HSPA9: variants seen among roughly 807,000 people sequenced by gnomAD.
HSPA9 encodes stress-70 protein, mitochondrial.
In HSPA9, 28 loss-of-function variants were observed where a neutral mutation model predicts 81.5. The observed-to-expected ratio is 0.34, with a 90% CI of 0.25 to 0.47. HSPA9 has a LOEUF of 0.47. Among genes scored for constraint, HSPA9 ranks in the 20% least tolerant of loss-of-function variants. The pLI is 1.00. For synonymous variants in HSPA9, 293 were observed against 290.4 expected (o/e 1.01, Z -0.09); for missense variants, 678 against 838.0 (o/e 0.81, Z 2.36).
At chr5:138,567,218 T>A (rs1428578059) in intron 7 of HSPA9, 55 bp from the exon 8 acceptor site, 1 of 1,431,812 alleles carries the variant, frequency 7.0e-7, no homozygotes, top group Admixed American at 2.0e-5. Context: ...ACAAAACCTA[T>A]CACCAGGATA....
At chr5:138,572,119 G>T (rs1301722169) in intron 3 of HSPA9, among the ~76,000 whole-genome samples, 75 of 152,116 alleles carry the variant, frequency 4.9e-4, no homozygotes, top group Non-Finnish European at 2.5e-4. Context: ...ACTATGCCCG[G>T]CTAATTTTTT....
chr5:138,566,860 G>T, intron 8 of HSPA9, 141 bp downstream of exon 8: 1 of 1,155,148 alleles, frequency 8.7e-7, no homozygotes, highest in Non-Finnish European at 1.3e-6. Context: ...TTAATGTGTA[G>T]GGAAAAAAAA....
At chr5:138,571,535 A>G (rs963905119) in intron 3 of HSPA9, among the ~76,000 whole-genome samples, 1 of 152,114 alleles carries the variant, frequency 6.6e-6, no homozygotes, top group Non-Finnish European at 1.5e-5. Flanking sequence ...CAGCTCCCAA[A>G]TTGCGAAACA....
intron 9 of HSPA9, among the ~76,000 whole-genome samples, chr5:138,565,195 C>T (rs752288167): frequency 1.8e-4 from 28 of 152,202 alleles, no homozygotes; most frequent in African/African-American, 6.8e-4. Context: ...TCCAACACCT[C>T]GCATCCCCTA....
chr5:138,565,721 T>C (rs1484495849), intron 9 of HSPA9, among the ~76,000 whole-genome samples: 1 of 152,176 alleles, frequency 6.6e-6, no homozygotes, highest in African/African-American at 2.4e-5. Flanking sequence ...ATTCAAATTA[T>C]TGTCATTTTT....
chr5:138,569,052 G>GT lies in HSPA9; in HGVS notation c.411-4dup, dbSNP rs765033139. 1.2e-6 allele frequency: 2 copies of GT among 1,613,274 alleles called. No individual in the cohort carries two copies. The highest frequency in any genetic ancestry group is 2.2e-5 in the East Asian group (1 of 44,854). On this transcript the variant is annotated splice_region_variant and splice_polypyrimidine_tract_variant and intron_variant, in intron 4 of 16. Transcript: ENST00000297185. Reference sequence around the variant, plus strand: ...CAATTTTAAAGGGAACATTTTTACTGTAAGACACAAAAATTCTATTAGAGA... The same window carrying GT: ...CAATTTTAAAGGGAACATTTTTACTGTTAAGACACAAAAATTCTATTAGAGA...
Position 138,566,581 on chromosome 5 carries a change from G to A in HSPA9, c.972+45C>T, listed in dbSNP as rs28694046. On this transcript the variant is annotated intron_variant, in intron 9 of 16. Coordinates refer to ENST00000297185, the MANE Select transcript of HSPA9 (RefSeq NM_004134.7). ...ATACTATTTATTTTAAATAAGCTCC[G>A]GCTGAAAATATCCATCAAGACTGCT... The A allele has an allele frequency of 1.9e-3, 2,325 of 1,253,762 alleles. 30 individuals are homozygous for A. In the African/African-American group the frequency reaches 0.029, roughly 16 times the overall value. The allele number at this position is 1,253,762 out of a possible 1,614,324, so 77.7% of individuals were successfully genotyped here.
chr5:138,567,926 C>T (rs898155703), intron 5 of HSPA9, among the ~76,000 whole-genome samples: 5 of 149,802 alleles, frequency 3.3e-5, no homozygotes, highest in East Asian at 4.0e-4. Flanking sequence ...GGCTCACACT[C>T]GTAATCCCAG....
rs201683104 is a variant in HSPA9 at position 138,573,990 on chromosome 5, G to T, written c.140+78C>A. 768 of 1,162,190 alleles carry T rather than the reference G, an allele frequency of 6.6e-4. 4 individuals carry two copies. In the African/African-American group the frequency reaches 8.6e-3, roughly 13 times the overall value. The allele number at this position is 1,162,190 out of a possible 1,614,324, so 72.0% of individuals were successfully genotyped here. A position where few individuals can be genotyped will look rare whatever the true frequency, so the allele number is the denominator to read the frequency against. ...AATACAGATAAATAATTACAGAGAA[G>T]AATAATCACAAATGTAGAAAACACT... is the stretch of plus-strand genomic sequence containing the variant. On this transcript the variant is annotated intron_variant, in intron 2 of 16. Transcript: ENST00000297185.
intron 10 of HSPA9, chr5:138,561,149 CAT>C (rs1164002244): frequency 2.2e-6 from 1 of 454,974 alleles, no homozygotes; most frequent in African/African-American, 2.0e-5. Context: ...TGCAAAGACA[CAT>C]GTACAAAGAT....
Position 138,553,814 on chromosome 5 carries a change from C to T in HSPA9, c.*2223G>A, listed in dbSNP as rs188374576. The stretch of plus-strand genomic sequence containing the variant: ...CAGTTTAGCCATTGATGCCATTTAA[C>T]GGGTTAAACATTTGTCTCTCTCCAG... On this transcript the variant is annotated 3_prime_UTR_variant, in exon 17 of 17. Transcript: ENST00000297185. Among the ~76,000 whole-genome samples, 150 of 152,256 alleles carry T rather than the reference C, an allele frequency of 9.9e-4. 1 individual carries two copies. Among genetic ancestry groups the T allele is most frequent in the African/African-American group, 3.1e-3 (129 of 41,554 alleles).
Position 138,556,475 on chromosome 5 carries a change from G to A in HSPA9, c.1939C>T (p.Leu647=). 1 of 1,613,896 alleles carries A rather than the reference G, an allele frequency of 6.2e-7. No individual in the cohort carries two copies. Among genetic ancestry groups the A allele is most frequent in the South Asian group, 1.1e-5 (1 of 91,082 alleles). The part of the protein sequence containing the change: ...ASSLQQASLK[L]FEMAYKKMAS... ...ACCTTTTTGTATGCCATTTCGAACA[G>A]CTTCAGTGATGCCTGCTGAAGAGAG... The change falls in exon 16 of 17, where the codon CTG becomes TTG. Residue 647 remains leucine (L), a synonymous_variant. Coordinates refer to ENST00000297185, the MANE Select transcript of HSPA9 (RefSeq NM_004134.7).
Position 138,567,419 on chromosome 5 carries a change from A to T in HSPA9, c.716+36T>A. On this transcript the variant is annotated intron_variant, in intron 7 of 16. Coordinates refer to ENST00000297185, the MANE Select transcript of HSPA9 (RefSeq NM_004134.7). ...AAAAATTAAGTGACACTTTAGTTTCACACATCCAGGTGAGAAATTTACTGC... is the reference window on the plus strand; with the variant it reads ...AAAAATTAAGTGACACTTTAGTTTCTCACATCCAGGTGAGAAATTTACTGC... 2.0e-6 allele frequency: 3 copies of T among 1,481,992 alleles called. No homozygotes were observed. In the East Asian group the frequency reaches 6.8e-5, roughly 34 times the overall value. 91.8% of individuals were successfully genotyped at this position (1,481,992 alleles called of 1,614,324 possible).
chr5:138,558,867 T>C (rs1750590869), intron 11 of HSPA9: 2 of 531,196 alleles, frequency 3.8e-6, no homozygotes, highest in Non-Finnish European at 6.8e-6. Flanking sequence ...GCTAAGCAAA[T>C]GCATTGTACA....
intron 10 of HSPA9, among the ~76,000 whole-genome samples, chr5:138,561,319 CAT>C (rs914694552): frequency 1.3e-5 from 2 of 151,674 alleles, no homozygotes; most frequent in Admixed American, 6.6e-5. Flanking sequence ...TACATACATA[CAT>C]ATATATATAT....
At position 138,556,473 on chromosome 5, in the gene HSPA9, C is replaced by G. The variant is rs1329541987; in HGVS notation, c.1941G>C (p.Leu647=). The change falls in exon 16 of 17, where the codon CTG becomes CTC. Residue 647 remains leucine (L), a synonymous_variant. Transcript: ENST00000297185. Reference sequence around the variant, plus strand: ...GTACCTTTTTGTATGCCATTTCGAACAGCTTCAGTGATGCCTGCTGAAGAG... The same window carrying G: ...GTACCTTTTTGTATGCCATTTCGAAGAGCTTCAGTGATGCCTGCTGAAGAG... The part of the protein sequence containing the change: ...ASSLQQASLK[L]FEMAYKKMAS... 16 of 1,613,812 alleles carry G rather than the reference C, an allele frequency of 9.9e-6. No homozygotes were observed. The highest frequency in any genetic ancestry group is 1.4e-5 in the Non-Finnish European group (16 of 1,180,010).
intron 1 of HSPA9, chr5:138,574,768 T>C (rs919597319): frequency 5.7e-6 from 1 of 174,326 alleles, no homozygotes; most frequent in Non-Finnish European, 1.2e-5. Context: ...AGTACAATCT[T>C]ACACCACAGA....
chr5:138,557,918 C>T lies in HSPA9; in HGVS notation c.1584G>A (p.Gly528=). 1 of 1,611,586 alleles carries T rather than the reference C, an allele frequency of 6.2e-7. No individual in the cohort carries two copies. Among genetic ancestry groups the T allele is most frequent in the South Asian group, 1.1e-5 (1 of 90,984 alleles). Residue 528 remains glycine, a synonymous_variant, in exon 13 of 17, where the codon GGG becomes GGA. Coordinates refer to ENST00000297185, the MANE Select transcript of HSPA9 (RefSeq NM_004134.7). ...IEVTFDIDAN[G]IVHVSAKDKG... The stretch of plus-strand genomic sequence containing the variant: ...TATCTTTAGCAGAAACATGTACTAT[C>T]CCATTGGCATCAATGTCAAATGTAA...
At chr5:138,557,156 C>G in intron 14 of HSPA9, 1 of 605,618 alleles carries the variant, frequency 1.7e-6, no homozygotes, top group Non-Finnish European at 2.9e-6. Flanking sequence ...TTTTCTCTTA[C>G]CCACAACCTA....
Sources: allele counts gnomAD v4.1 joint callset (sites outside exome capture counted in the v4.1 genomes callset), GRCh38; gene constraint gnomAD v4.1.1; transcripts MANE v1.5; gene names NCBI Gene and HGNC (gene_info 2026-07-23, HGNC 2026-07-21).